Variants in MTF2 observed in about 807,000 individuals in gnomAD.
The protein encoded by MTF2 is metal response element binding transcription factor 2, also known as metal-response element-binding transcription factor 2.
In MTF2, 11 loss-of-function variants were observed where a neutral mutation model predicts 79.5. The observed-to-expected ratio is 0.14, with a 90% CI of 0.09 to 0.23. MTF2 has a LOEUF of 0.23. MTF2 is among the 10% of genes least tolerant of loss of function. MTF2 has a pLI of 1.00. For missense variants in MTF2, 486 were observed against 711.2 expected (o/e 0.68, Z 3.60); for synonymous variants, 208 against 232.8 (o/e 0.89, Z 0.97).
intron 11 of MTF2, among the ~76,000 whole-genome samples, chr1:93,129,729 CATTG>C (rs997340189): frequency 1.3e-4 from 20 of 152,106 alleles, no homozygotes; most frequent in South Asian, 4.2e-4. Context: ...GTTCACTTTT[CATTG>C]ATTGATTGAT....
intron 1 of MTF2, among the ~76,000 whole-genome samples, chr1:93,097,324 T>G (rs957690502): frequency 3.3e-5 from 5 of 152,202 alleles, no homozygotes; most frequent in African/African-American, 1.2e-4. Flanking sequence ...AACTTGTTAC[T>G]ACTTTCCTTC....
At chr1:93,115,194 A>T in intron 5 of MTF2, 106 bp downstream of exon 5, 1 of 862,148 alleles carries the variant, frequency 1.2e-6, no homozygotes, top group Non-Finnish European at 1.8e-6. Flanking sequence ...TGAGCAATGA[A>T]TGCTGGGTAG....
chr1:93,105,143 C>CAA (rs11372021), intron 1 of MTF2, among the ~76,000 whole-genome samples: 64,956 of 110,292 alleles, frequency 0.59, 22,963 homozygotes, highest in East Asian at 0.9. Context: ...GACTCCGTCT[C>CAA]AAAAAAAAAA....
intron 1 of MTF2, among the ~76,000 whole-genome samples, chr1:93,101,520 T>C (rs992476494): frequency 2.7e-5 from 4 of 149,372 alleles, no homozygotes; most frequent in African/African-American, 9.9e-5. Flanking sequence ...TGGCAAATTT[T>C]TTAAAAATTT....
intron 1 of MTF2, among the ~76,000 whole-genome samples, chr1:93,081,565 T>A (rs544956242): frequency 6.6e-6 from 1 of 152,316 alleles, no homozygotes; most frequent in African/African-American, 2.4e-5. Flanking sequence ...TACTTTGTTT[T>A]CCCTGTTCTT....
intron 1 of MTF2, among the ~76,000 whole-genome samples, chr1:93,086,258 C>G (rs892972515): frequency 2.6e-5 from 4 of 152,116 alleles, no homozygotes; most frequent in Non-Finnish European, 5.9e-5. Flanking sequence ...AATCCTAGCA[C>G]TTTGAGAGGC....
intron 9 of MTF2, among the ~76,000 whole-genome samples, chr1:93,126,464 T>C (rs1330493938): frequency 7.9e-6 from 1 of 126,694 alleles, no homozygotes; most frequent in Non-Finnish European, 1.7e-5. Context: ...AAGTCAACTG[T>C]GATATTTTGG....
intron 1 of MTF2, 91 bp downstream of exon 1, chr1:93,079,622 A>G (rs1654512374): frequency 1.4e-6 from 2 of 1,392,402 alleles, no homozygotes; most frequent in East Asian, 2.3e-5. Flanking sequence ...AAAGGGAAAG[A>G]TGGAGGACCA....
intron 1 of MTF2, among the ~76,000 whole-genome samples, chr1:93,096,536 T>C (rs1655295014): frequency 1.3e-5 from 2 of 152,048 alleles, no homozygotes. Context: ...TTTTTTTCTG[T>C]GTTAATTTCT....
intron 1 of MTF2, among the ~76,000 whole-genome samples, chr1:93,098,143 C>T (rs1331880100): frequency 6.6e-6 from 1 of 152,046 alleles, no homozygotes; most frequent in Admixed American, 6.6e-5. Context: ...AGTTTTGTTC[C>T]TAGAAAAGTG....
chr1:93,115,572 A>C lies in MTF2; in HGVS notation c.586A>C (p.Lys196Gln). The C allele has an allele frequency of 6.2e-7, 1 of 1,612,046 alleles. No homozygotes were observed. Among genetic ancestry groups the C allele is most frequent in the Admixed American group, 1.7e-5 (1 of 59,468 alleles). ...VADLEWDAGH[K>Q]TNVQQCYCYC... ...AGACCTTGAATGGGATGCAGGTCAT[A>C]AAACCAATGTCCAGCAGTGTTACTG... The change falls in exon 6 of 15, where the codon AAA (lysine) becomes CAA (glutamine). Residue 196 changes from lysine to glutamine, a missense_variant. By Grantham distance (53) the Lys-to-Gln change is moderately conservative (BLOSUM62 1). Around this residue, in one of 4 missense-constraint regions of MTF2, gnomAD observed 177 missense variants for 364.0 expected, o/e 0.49. Transcript: ENST00000370298.
chr1:93,091,572 C>G (rs1655076513), intron 1 of MTF2, among the ~76,000 whole-genome samples: 1 of 152,128 alleles, frequency 6.6e-6, no homozygotes, highest in South Asian at 2.1e-4. Flanking sequence ...GAACCATTAA[C>G]TGGTGGGGTG....
At chr1:93,115,171 T>G in intron 5 of MTF2, 83 bp downstream of exon 5, 1 of 1,078,766 alleles carries the variant, frequency 9.3e-7, no homozygotes, top group Non-Finnish European at 1.4e-6. Context: ...ACTGAAAGTT[T>G]GTTGGAATGA....
intron 1 of MTF2, among the ~76,000 whole-genome samples, chr1:93,090,238 A>C (rs1317826209): frequency 6.6e-6 from 1 of 152,094 alleles, no homozygotes; most frequent in Non-Finnish European, 1.5e-5. Context: ...AGCCTCCCAA[A>C]GTGCTGGGAT....
chr1:93,127,343 G>A (rs762555775), intron 10 of MTF2, 44 bp downstream of exon 10: 4 of 1,223,300 alleles, frequency 3.3e-6, no homozygotes, highest in African/African-American at 3.0e-5. Flanking sequence ...GAGACATTTA[G>A]TAAGTATAAG....
intron 1 of MTF2, among the ~76,000 whole-genome samples, chr1:93,106,531 T>G (rs1436962320): frequency 3.3e-5 from 5 of 152,052 alleles, no homozygotes; most frequent in Non-Finnish European, 7.4e-5. Context: ...TTTTTTTTTT[T>G]TTTTTGAGAC....
At chr1:93,085,547 C>T (rs1284553873) in intron 1 of MTF2, among the ~76,000 whole-genome samples, 6 of 144,670 alleles carry the variant, frequency 4.1e-5, no homozygotes, top group Non-Finnish European at 6.0e-5. Flanking sequence ...AGTGCAGTGG[C>T]GTGATCATAG....
At chr1:93,093,660 G>A (rs1241723515) in intron 1 of MTF2, among the ~76,000 whole-genome samples, 2 of 152,090 alleles carry the variant, frequency 1.3e-5, no homozygotes, top group African/African-American at 2.4e-5. Context: ...ACTTTATATG[G>A]CTGAAAATGT....
intron 1 of MTF2, among the ~76,000 whole-genome samples, chr1:93,096,252 A>T (rs1375598950): frequency 1.3e-5 from 2 of 152,282 alleles, no homozygotes; most frequent in African/African-American, 4.8e-5. Context: ...TTTGTCATGA[A>T]AAGGAACAAA....
Sources: gnomAD v4.1 joint callset for allele counts (sites outside exome capture counted in the v4.1 genomes callset) on GRCh38, gnomAD v4.1.1 for gene constraint, gnomAD v4.1.1 regional missense constraint, MANE v1.5 for transcripts, NCBI Gene and HGNC (gene_info 2026-07-23, HGNC 2026-07-21) for gene names.